CSMD1: variants seen among roughly 807,000 people sequenced by gnomAD.
The protein encoded by CSMD1 is CUB and Sushi multiple domains 1.
A neutral mutation model predicts 417.5 loss-of-function variants in CSMD1; 213 were observed. That is an observed-to-expected ratio of 0.51 (90% CI 0.46 to 0.57). CSMD1 has a LOEUF of 0.57. Among genes scored for constraint, CSMD1 ranks in the 20% least tolerant of loss-of-function variants. The pLI is 0.00. For synonymous variants in CSMD1, 2,862 were observed against 1,736.8 expected, an observed-to-expected ratio of 1.65 and a Z score of -16.11; for missense variants, 6,923 against 4,529.7, an observed-to-expected ratio of 1.53 and a Z score of -15.17.
chr8:3,556,392 A>ATATATATATATACATATATATATAT (rs1554468279), intron 10 of CSMD1, among the ~76,000 whole-genome samples: 2 of 120,448 alleles, frequency 1.7e-5, no homozygotes, highest in Non-Finnish European at 3.4e-5. Context: ...TATAATAATT[A>ATATATATATATACATATATATATAT]ATATATATAT....
Position 2,955,648 on chromosome 8 carries a change from G to C in CSMD1, c.9935C>G (p.Ser3312Cys), listed in dbSNP as rs767418472. ...CHPGFFLAGG[S>C]EHRTCKADMK... ...GTCTGCTTTACATGTTCTGTGCTCA[G>C]ATCCCCCTGCGAGGAAAAAGCCTGG... is the stretch of plus-strand genomic sequence containing the variant. The change falls in exon 64 of 70, where the codon TCT becomes TGT. Residue 3312 changes from serine to cysteine, a missense_variant. By Grantham distance (112) the Ser-to-Cys change is moderately radical. Coordinates refer to ENST00000635120, the MANE Select transcript of CSMD1 (RefSeq NM_033225.6). The C allele has an allele frequency of 6.2e-7, 1 of 1,613,864 alleles. No individual in the cohort carries two copies. Among genetic ancestry groups the C allele is most frequent in the Non-Finnish European group, 8.5e-7 (1 of 1,179,836 alleles).
chr8:3,717,550 T>A (rs1254926844), intron 6 of CSMD1, among the ~76,000 whole-genome samples: 2 of 152,192 alleles, frequency 1.3e-5, no homozygotes, highest in Non-Finnish European at 2.9e-5. Flanking sequence ...TCACAGGTTA[T>A]TGCAGAATAT....
chr8:3,475,201 C>T (rs920498702), intron 11 of CSMD1, among the ~76,000 whole-genome samples: 3 of 152,094 alleles, frequency 2.0e-5, no homozygotes, highest in Admixed American at 2.0e-4. Flanking sequence ...GGATTTTTGC[C>T]TCTAGGTCAT....
At chr8:4,286,375 A>G (rs576144913) in intron 3 of CSMD1, among the ~76,000 whole-genome samples, 6 of 152,236 alleles carry the variant, frequency 3.9e-5, no homozygotes, top group African/African-American at 1.4e-4. Flanking sequence ...TTAGTTCAAA[A>G]CTACAGTCCT....
chr8:4,687,168 G>A (rs1170643101), intron 1 of CSMD1, among the ~76,000 whole-genome samples: 4 of 152,202 alleles, frequency 2.6e-5, no homozygotes, highest in Non-Finnish European at 4.4e-5. Flanking sequence ...AGCCAGAGAG[G>A]CAGGGGTCTT....
At position 3,252,815 on chromosome 8, in the gene CSMD1, A is replaced by G. The variant is rs561271687; in HGVS notation, c.4154-22584T>C. 1.7e-3 allele frequency among the ~76,000 whole-genome samples: 256 copies of G among 152,266 alleles called. 2 individuals are homozygous for G. The highest frequency in any genetic ancestry group is 5.9e-3 in the African/African-American group (247 of 41,558). ...GGAGGGTGTATGTGTCCAGAAATTT[A>G]TCCATTTCTTCTAGATTTTCTAGTT... On this transcript the variant is annotated intron_variant, in intron 26 of 69. Transcript: ENST00000635120.
chr8:4,427,304 T>C (rs1250304962), intron 2 of CSMD1, among the ~76,000 whole-genome samples: 2 of 152,094 alleles, frequency 1.3e-5, no homozygotes, highest in African/African-American at 4.8e-5. Flanking sequence ...CTTGGTACTG[T>C]TGACAAAATA....
At chr8:4,091,664 A>T (rs1300455526) in intron 3 of CSMD1, among the ~76,000 whole-genome samples, 1 of 152,210 alleles carries the variant, frequency 6.6e-6, no homozygotes. Flanking sequence ...TTCAAAATCA[A>T]TGCTCACTCC....
chr8:4,158,470 G>C (rs73180421), intron 3 of CSMD1, among the ~76,000 whole-genome samples: 1 of 152,058 alleles, frequency 6.6e-6, no homozygotes, highest in Non-Finnish European at 1.5e-5. Flanking sequence ...TAATACAGCC[G>C]CTAGTGCAGT....
At chr8:3,321,905 T>A (rs534041660) in intron 23 of CSMD1, among the ~76,000 whole-genome samples, 1 of 152,290 alleles carries the variant, frequency 6.6e-6, no homozygotes, top group East Asian at 1.9e-4. Context: ...AATATGCAAT[T>A]AGGGGAATTT....
chr8:3,365,629 G>C (rs755487963), intron 20 of CSMD1, among the ~76,000 whole-genome samples: 1 of 152,138 alleles, frequency 6.6e-6, no homozygotes, highest in Non-Finnish European at 1.5e-5. Flanking sequence ...AAAATGTTAG[G>C]TATATCATGA....
chr8:4,716,347 A>G (rs1056228314), intron 1 of CSMD1, among the ~76,000 whole-genome samples: 1 of 152,252 alleles, frequency 6.6e-6, no homozygotes, highest in African/African-American at 2.4e-5. Context: ...AAGAGAAAAC[A>G]GGCATGACAT....
intron 1 of CSMD1, among the ~76,000 whole-genome samples, chr8:4,684,628 T>A (rs1806257935): frequency 6.6e-6 from 1 of 152,220 alleles, no homozygotes; most frequent in Non-Finnish European, 1.5e-5. Context: ...TTAGGAATGA[T>A]ATTAATTGAA....
At chr8:4,116,860 G>C (rs1385656328) in intron 3 of CSMD1, among the ~76,000 whole-genome samples, 1 of 151,884 alleles carries the variant, frequency 6.6e-6, no homozygotes, top group African/African-American at 2.4e-5. Context: ...GGCATTTACT[G>C]TACAATGTGC....
At chr8:3,823,446 T>C (rs1435272322) in intron 5 of CSMD1, among the ~76,000 whole-genome samples, 1 of 152,178 alleles carries the variant, frequency 6.6e-6, no homozygotes, top group Non-Finnish European at 1.5e-5. Context: ...AAAGGAAGTA[T>C]AAAACGTTTG....
At chr8:4,714,069 CG>C (rs1441924590) in intron 1 of CSMD1, among the ~76,000 whole-genome samples, 2 of 151,682 alleles carry the variant, frequency 1.3e-5, no homozygotes, top group Non-Finnish European at 2.9e-5. Context: ...CACCTGAACC[CG>C]GGAGACAGAG....
intron 1 of CSMD1, among the ~76,000 whole-genome samples, chr8:4,731,736 C>G (rs1809885038): frequency 6.6e-6 from 1 of 152,134 alleles, no homozygotes. Context: ...ACAGCAGCCA[C>G]AGCAGTTACT....
chr8:4,427,032 A>G (rs915051659), intron 2 of CSMD1, among the ~76,000 whole-genome samples: 1 of 152,036 alleles, frequency 6.6e-6, no homozygotes, highest in South Asian at 2.1e-4. Flanking sequence ...TCCCCACGAG[A>G]ACTGGTGTAG....
At chr8:4,695,318 A>G (rs537075465) in intron 1 of CSMD1, among the ~76,000 whole-genome samples, 2 of 152,168 alleles carry the variant, frequency 1.3e-5, no homozygotes, top group Admixed American at 1.3e-4. Context: ...TGGCATTGAA[A>G]TAACTTCATT....
Sources: gnomAD v4.1 joint callset for allele counts (sites outside exome capture counted in the v4.1 genomes callset) on GRCh38, gnomAD v4.1.1 for gene constraint, MANE v1.5 for transcripts, NCBI Gene and HGNC (gene_info 2026-07-23, HGNC 2026-07-21) for gene names.